Variants in RGS7 observed in about 807,000 individuals in gnomAD.
The protein encoded by RGS7 is regulator of G protein signaling 7, also known as regulator of G-protein signaling 7.
In RGS7, 27 loss-of-function variants were observed where a neutral mutation model predicts 81.1. The observed-to-expected ratio is 0.33, with a 90% CI of 0.25 to 0.46. The LOEUF (loss-of-function observed/expected upper bound fraction) is 0.46. Ranked by LOEUF, RGS7 falls within the 20% of genes least tolerant of loss-of-function variation. The probability of loss-of-function intolerance (pLI) is 1.00; values close to 1 mark genes in which losing one functional copy is unlikely to be tolerated. For synonymous variants in RGS7, 208 were observed against 207.7 expected, an observed-to-expected ratio of 1.00 and a Z score of -0.01; for missense variants, 396 against 607.4, an observed-to-expected ratio of 0.65 and a Z score of 3.66.
At chr1:241,155,322 T>C (rs2069041839) in intron 2 of RGS7, among the ~76,000 whole-genome samples, 1 of 152,080 alleles carries the variant, frequency 6.6e-6, no homozygotes, top group South Asian at 2.1e-4. Flanking sequence ...GCTGGTGAAC[T>C]CCTGACCTCA....
At chr1:241,353,894 C>A (rs2083400713) in intron 2 of RGS7, among the ~76,000 whole-genome samples, 1 of 152,152 alleles carries the variant, frequency 6.6e-6, no homozygotes, top group Non-Finnish European at 1.5e-5. Flanking sequence ...ATAACTATTT[C>A]TGAAAGCCCT....
chr1:241,186,526 T>TACA (rs1429138890), intron 2 of RGS7: 1 of 272,536 alleles, frequency 3.7e-6, no homozygotes, highest in Non-Finnish European at 5.2e-6. Context: ...TATATATATT[T>TACA]TTTTTTTTTT....
intron 3 of RGS7, among the ~76,000 whole-genome samples, chr1:241,041,558 A>C (rs2060617161): frequency 6.6e-6 from 1 of 152,040 alleles, no homozygotes; most frequent in South Asian, 2.1e-4. Context: ...TGAAGTAAAA[A>C]TTCTCCCTGT....
chr1:240,875,941 T>C (rs1053107726), intron 6 of RGS7, among the ~76,000 whole-genome samples: 1 of 152,244 alleles, frequency 6.6e-6, no homozygotes, highest in Non-Finnish European at 1.5e-5. Context: ...CTCTCTAGAC[T>C]TGGCAAAAGT....
chr1:241,180,638 A>T (rs1489807711), intron 2 of RGS7, among the ~76,000 whole-genome samples: 1 of 152,192 alleles, frequency 6.6e-6, no homozygotes, highest in African/African-American at 2.4e-5. Context: ...TACATTTTCT[A>T]TCCCTGTAAT....
intron 4 of RGS7, among the ~76,000 whole-genome samples, chr1:240,946,059 T>G (rs1678552083): frequency 6.6e-6 from 1 of 152,224 alleles, no homozygotes; most frequent in African/African-American, 2.4e-5. Context: ...TTCTGTTTGC[T>G]GTTTTAAAAC....
intron 5 of RGS7, among the ~76,000 whole-genome samples, chr1:240,934,276 G>C (rs1676213798): frequency 6.6e-6 from 1 of 152,110 alleles, no homozygotes; most frequent in Non-Finnish European, 1.5e-5. Flanking sequence ...CTTAATGATG[G>C]TTAGACTCCC....
chr1:241,285,154 G>A (rs867486791), intron 2 of RGS7, among the ~76,000 whole-genome samples: 8 of 152,296 alleles, frequency 5.3e-5, no homozygotes, highest in African/African-American at 1.9e-4. Context: ...ACAGGTGTGA[G>A]CCACCGCGCC....
intron 3 of RGS7, among the ~76,000 whole-genome samples, chr1:240,994,094 A>AAT (rs1447701491): frequency 6.6e-6 from 1 of 152,192 alleles, no homozygotes; most frequent in Non-Finnish European, 1.5e-5. Flanking sequence ...TAATGTCTTG[A>AAT]ATATATAATA....
chr1:241,036,587 A>G (rs1178549233), intron 3 of RGS7, among the ~76,000 whole-genome samples: 1 of 152,218 alleles, frequency 6.6e-6, no homozygotes, highest in Non-Finnish European at 1.5e-5. Flanking sequence ...ACCTTTGTCC[A>G]GTGCTGTTTG....
intron 3 of RGS7, among the ~76,000 whole-genome samples, chr1:241,008,219 T>G (rs2058774636): frequency 6.6e-6 from 1 of 152,006 alleles, no homozygotes; most frequent in South Asian, 2.1e-4. Flanking sequence ...TAAAAAAAAA[T>G]TCTAAAGAGA....
intron 5 of RGS7, among the ~76,000 whole-genome samples, chr1:240,934,669 A>T (rs913994310): frequency 3.3e-5 from 5 of 152,110 alleles, no homozygotes; most frequent in Non-Finnish European, 7.4e-5. Flanking sequence ...TTTAGCACTA[A>T]TGTAATTTTA....
intron 3 of RGS7, among the ~76,000 whole-genome samples, chr1:241,094,007 G>A (rs901363924): frequency 2.6e-5 from 4 of 152,178 alleles, no homozygotes; most frequent in Admixed American, 2.6e-4. Flanking sequence ...GAGGATTGAA[G>A]GAGATGAAGA....
At chr1:241,288,733 G>A (rs968299949) in intron 2 of RGS7, among the ~76,000 whole-genome samples, 3 of 152,164 alleles carry the variant, frequency 2.0e-5, no homozygotes, top group Non-Finnish European at 2.9e-5. Flanking sequence ...ATTCATTTCT[G>A]GAAAGTTGGA....
chr1:240,995,191 C>G (rs1428946519), intron 3 of RGS7, among the ~76,000 whole-genome samples: 2 of 152,002 alleles, frequency 1.3e-5, no homozygotes, highest in African/African-American at 4.8e-5. Context: ...TGAAATAAAC[C>G]CACTTGGTTA....
At chr1:241,327,146 G>A (rs866366637) in intron 2 of RGS7, among the ~76,000 whole-genome samples, 6 of 92,248 alleles carry the variant, frequency 6.5e-5, no homozygotes, top group African/African-American at 1.4e-4. Context: ...AAGAAAGAAA[G>A]GAAAGAAAGA....
At chr1:240,968,026 C>T (rs1456537139) in intron 4 of RGS7, among the ~76,000 whole-genome samples, 4 of 152,142 alleles carry the variant, frequency 2.6e-5, no homozygotes, top group Non-Finnish European at 5.9e-5. Flanking sequence ...AATATCCAAA[C>T]AACCAATATC....
intron 4 of RGS7, among the ~76,000 whole-genome samples, chr1:240,949,987 C>G (rs1679291035): frequency 6.6e-6 from 1 of 152,064 alleles, no homozygotes; most frequent in Non-Finnish European, 1.5e-5. Context: ...CTGGACCATT[C>G]AGAGAAGTAA....
intron 4 of RGS7, among the ~76,000 whole-genome samples, chr1:240,965,385 A>G (rs388486): frequency 6.6e-6 from 1 of 152,190 alleles, no homozygotes; most frequent in Non-Finnish European, 1.5e-5. Context: ...CTGACTTTGC[A>G]TGCTTGAAAT....
Sources: allele counts gnomAD v4.1 joint callset (sites outside exome capture counted in the v4.1 genomes callset), GRCh38; gene constraint gnomAD v4.1.1; transcripts MANE v1.5; gene names NCBI Gene and HGNC (gene_info 2026-07-23, HGNC 2026-07-21).